The following PTPRK variants were observed in gnomAD, a reference collection of about 807,000 sequenced individuals.
The protein encoded by PTPRK is receptor-type tyrosine-protein phosphatase kappa.
Under a neutral mutation model 178.0 loss-of-function variants are expected in PTPRK, and 75 were observed. That is an observed-to-expected ratio of 0.42 (90% CI 0.35 to 0.51). The LOEUF is 0.51. Among genes scored for constraint, PTPRK ranks in the 20% least tolerant of loss-of-function variants. PTPRK has a pLI of 0.02. For missense variants in PTPRK, 1,441 were observed against 1,797.8 expected, an observed-to-expected ratio of 0.80 and a Z score of 3.59; for synonymous variants, 637 against 620.6, an observed-to-expected ratio of 1.03 and a Z score of -0.39.
At chr6:128,460,813 T>A (rs1027341153) in intron 1 of PTPRK, among the ~76,000 whole-genome samples, 1 of 152,230 alleles carries the variant, frequency 6.6e-6, no homozygotes, top group Non-Finnish European at 1.5e-5. Flanking sequence ...ATTTCTCCAC[T>A]ATTTGCTTAG....
intron 1 of PTPRK, among the ~76,000 whole-genome samples, chr6:128,456,855 T>C (rs916289329): frequency 2.0e-5 from 3 of 152,112 alleles, no homozygotes; most frequent in Non-Finnish European, 4.4e-5. Flanking sequence ...ATTCACTTCA[T>C]GTGTGGTTTT....
chr6:128,245,228 G>C (rs537404694), intron 3 of PTPRK, among the ~76,000 whole-genome samples: 19 of 152,102 alleles, frequency 1.2e-4, no homozygotes, highest in East Asian at 1.2e-3. Flanking sequence ...CCTGCCTCTA[G>C]GTTGCTTTTG....
intron 3 of PTPRK, among the ~76,000 whole-genome samples, chr6:128,301,583 A>G (rs1412115123): frequency 6.6e-6 from 1 of 152,116 alleles, no homozygotes; most frequent in Non-Finnish European, 1.5e-5. Context: ...GTACATTAAA[A>G]CTTCAGGCAT....
intron 2 of PTPRK, among the ~76,000 whole-genome samples, chr6:128,382,471 G>C (rs186415239): frequency 6.7e-4 from 97 of 143,824 alleles, no homozygotes; most frequent in African/African-American, 2.3e-3. Flanking sequence ...GCAGTGGTGT[G>C]ATCTCGGCTA....
chr6:128,086,831 C>T (rs1785928457), intron 8 of PTPRK, among the ~76,000 whole-genome samples: 1 of 151,660 alleles, frequency 6.6e-6, no homozygotes, highest in Non-Finnish European at 1.5e-5. Context: ...AAAAATTACG[C>T]TCATAGTAGA....
chr6:128,383,566 AT>A (rs1838256453), intron 2 of PTPRK, among the ~76,000 whole-genome samples: 1 of 152,224 alleles, frequency 6.6e-6, no homozygotes, highest in Non-Finnish European at 1.5e-5. Flanking sequence ...TCATTCAAAA[AT>A]AATTTGAGTT....
intron 6 of PTPRK, among the ~76,000 whole-genome samples, chr6:128,188,703 T>G (rs1803190251): frequency 6.6e-6 from 1 of 152,092 alleles, no homozygotes; most frequent in African/African-American, 2.4e-5. Context: ...TCAGTACCAC[T>G]CGGTCAAAAT....
chr6:128,156,340 T>G (rs1277613112), intron 7 of PTPRK, among the ~76,000 whole-genome samples: 1 of 151,880 alleles, frequency 6.6e-6, no homozygotes, highest in Non-Finnish European at 1.5e-5. Flanking sequence ...TACCTGAGAC[T>G]CAGTAATTTA....
intron 3 of PTPRK, among the ~76,000 whole-genome samples, chr6:128,270,939 A>T (rs1292715789): frequency 2.0e-5 from 3 of 152,118 alleles, no homozygotes; most frequent in East Asian, 1.9e-4. Context: ...AGAACTGGAT[A>T]GCTAAGGTCT....
intron 1 of PTPRK, among the ~76,000 whole-genome samples, chr6:128,438,017 T>G (rs573455442): frequency 5.9e-5 from 9 of 152,352 alleles, no homozygotes; most frequent in African/African-American, 2.2e-4. Flanking sequence ...AAGTTGCTTC[T>G]CCCCATATAC....
intron 5 of PTPRK, among the ~76,000 whole-genome samples, chr6:128,220,435 CACA>C (rs1446903116): frequency 2.0e-5 from 3 of 152,174 alleles, no homozygotes; most frequent in African/African-American, 7.2e-5. Flanking sequence ...GGTCATGATC[CACA>C]ACCTCATTTC....
At chr6:128,153,952 A>G (rs1797630461) in intron 7 of PTPRK, among the ~76,000 whole-genome samples, 1 of 151,876 alleles carries the variant, frequency 6.6e-6, no homozygotes, top group African/African-American at 2.4e-5. Flanking sequence ...TCCCAAGAAA[A>G]AAGTAAAACT....
intron 3 of PTPRK, among the ~76,000 whole-genome samples, chr6:128,262,389 T>C (rs1161307778): frequency 6.6e-6 from 1 of 152,190 alleles, no homozygotes; most frequent in Admixed American, 6.6e-5. Flanking sequence ...TAATCATTGA[T>C]CTTCAATATC....
At chr6:127,999,856 A>G (rs760316184) in intron 15 of PTPRK, 41 of 606,480 alleles carry the variant, frequency 6.8e-5, no homozygotes, top group Non-Finnish European at 8.3e-5. Context: ...TGAATTAAAA[A>G]GTCAACTGAA....
intron 13 of PTPRK, among the ~76,000 whole-genome samples, chr6:128,060,880 ATTTG>A (rs1229126228): frequency 1.3e-5 from 2 of 152,176 alleles, no homozygotes; most frequent in Admixed American, 1.3e-4. Flanking sequence ...TATTTAATAA[ATTTG>A]TCTTAACTCA....
At chr6:128,090,189 G>T (rs377629905) in intron 7 of PTPRK, among the ~76,000 whole-genome samples, 197 bp from the exon 8 acceptor site, 5 of 152,066 alleles carry the variant, frequency 3.3e-5, no homozygotes, top group African/African-American at 1.2e-4. Context: ...AACAGGAAAA[G>T]AAAAGAAATA....
At chr6:128,306,815 G>A (rs1443335469) in intron 3 of PTPRK, among the ~76,000 whole-genome samples, 1 of 151,886 alleles carries the variant, frequency 6.6e-6, no homozygotes, top group Non-Finnish European at 1.5e-5. Context: ...AAAAAATTAA[G>A]AGAATCAAAA....
At chr6:128,246,094 T>C (rs1464675373) in intron 3 of PTPRK, among the ~76,000 whole-genome samples, 1 of 152,196 alleles carries the variant, frequency 6.6e-6, no homozygotes, top group African/African-American at 2.4e-5. Context: ...TGTATAAATG[T>C]ATCCTAGGAA....
intron 7 of PTPRK, among the ~76,000 whole-genome samples, chr6:128,127,691 G>A (rs1381146826): frequency 6.6e-6 from 1 of 152,110 alleles, no homozygotes; most frequent in African/African-American, 2.4e-5. Flanking sequence ...CAAACTAAAG[G>A]AAAAATGGCT....
Sources: allele counts gnomAD v4.1 joint callset (sites outside exome capture counted in the v4.1 genomes callset), GRCh38; gene constraint gnomAD v4.1.1; transcripts MANE v1.5; gene names NCBI Gene and HGNC (gene_info 2026-07-23, HGNC 2026-07-21).